Variants in FLNB observed in about 807,000 individuals in gnomAD.
The protein encoded by FLNB is filamin-B.
A neutral mutation model predicts 250.6 loss-of-function variants in FLNB; 111 were observed. That is an observed-to-expected ratio of 0.44 (90% CI 0.38 to 0.52). The LOEUF is 0.52. FLNB is among the 20% of genes least tolerant of loss of function. The pLI is 0.00. For synonymous variants in FLNB, 1,302 were observed against 1,372.1 expected, an observed-to-expected ratio of 0.95 and a Z score of 1.13; for missense variants, 2,869 against 3,447.8, an observed-to-expected ratio of 0.83 and a Z score of 4.20.
intron 18 of FLNB, among the ~76,000 whole-genome samples, chr3:58,118,044 G>T (rs1221576683): frequency 6.6e-6 from 1 of 152,174 alleles, no homozygotes; most frequent in African/African-American, 2.4e-5. Flanking sequence ...ATTTCTTGGA[G>T]CCTCGATTTG....
chr3:58,061,034 A>G (rs1204472386), intron 1 of FLNB, among the ~76,000 whole-genome samples: 2 of 152,096 alleles, frequency 1.3e-5, no homozygotes, highest in Non-Finnish European at 2.9e-5. Context: ...CAGAAAGACA[A>G]TCAGGCAAAC....
At chr3:58,015,775 G>A (rs748119070) in intron 1 of FLNB, among the ~76,000 whole-genome samples, 6 of 152,206 alleles carry the variant, frequency 3.9e-5, no homozygotes, top group African/African-American at 7.2e-5. Context: ...AAGTAGCAAG[G>A]ATCTAGGTGC....
chr3:58,108,400 A>T, intron 12 of FLNB, 58 bp from the exon 13 acceptor site: 1 of 1,104,080 alleles, frequency 9.1e-7, no homozygotes, highest in Non-Finnish European at 1.4e-6. Flanking sequence ...CTGTCTTTGT[A>T]TAAGGGTTTA....
rs748668497 is a variant in FLNB at position 58,148,193 on chromosome 3, G to C, written c.5729-13G>C. 3.1e-6 allele frequency: 5 copies of C among 1,614,168 alleles called. No individual in the cohort carries two copies. The Admixed American group carries it at 8.3e-5, about 27-fold the overall frequency. On this transcript the variant is annotated splice_polypyrimidine_tract_variant and intron_variant, in intron 34 of 45. Coordinates refer to ENST00000295956, the MANE Select transcript of FLNB (RefSeq NM_001457.4). ...ACATGTAACGGGAGTCCTTTTTGGG[G>C]GATGTTTCCCAGATGACAGCAGGCG...
chr3:58,165,009 C>T (rs1356300844), intron 43 of FLNB: 1 of 152,300 alleles, frequency 6.6e-6, no homozygotes, highest in East Asian at 1.9e-4. Context: ...TAAACCAGGA[C>T]CCCTGTCCTC....
intron 1 of FLNB, 67 bp from the exon 2 acceptor site, chr3:58,076,979 A>G: frequency 1.9e-6 from 3 of 1,548,104 alleles, no homozygotes; most frequent in Non-Finnish European, 2.7e-6. Flanking sequence ...ATTTACATTT[A>G]TATAAGGAGC....
intron 1 of FLNB, among the ~76,000 whole-genome samples, chr3:58,034,303 C>T (rs2097135009): frequency 6.6e-6 from 1 of 152,146 alleles, no homozygotes; most frequent in African/African-American, 2.4e-5. Flanking sequence ...AACTGTTTCC[C>T]AAAGTGGTTG....
intron 8 of FLNB, among the ~76,000 whole-genome samples, chr3:58,100,253 T>C (rs2097247473): frequency 6.6e-6 from 1 of 151,812 alleles, no homozygotes. Flanking sequence ...ACTCGTGGAC[T>C]TCCTTTTTCT....
At chr3:58,110,399 G>A (rs2097266470) in intron 16 of FLNB, among the ~76,000 whole-genome samples, 1 of 149,548 alleles carries the variant, frequency 6.7e-6, no homozygotes. Flanking sequence ...AGTAGCTGGG[G>A]ACTACAGGCT....
intron 1 of FLNB, among the ~76,000 whole-genome samples, chr3:58,072,670 T>A (rs900248290): frequency 2.0e-5 from 3 of 152,124 alleles, no homozygotes; most frequent in Non-Finnish European, 2.9e-5. Flanking sequence ...TCAAAATCAG[T>A]TTTGGAATGA....
intron 13 of FLNB, 22 bp downstream of exon 13, chr3:58,108,593 G>C (rs376322609): frequency 7.4e-6 from 11 of 1,481,648 alleles, no homozygotes; most frequent in Non-Finnish European, 1.0e-5. Context: ...GGGGCCACCT[G>C]TGCAGGTAAT....
chr3:58,095,957 T>G (rs2097237709), intron 5 of FLNB, among the ~76,000 whole-genome samples, 184 bp from the exon 6 acceptor site: 1 of 152,220 alleles, frequency 6.6e-6, no homozygotes, highest in African/African-American at 2.4e-5. Flanking sequence ...GCCTCTGTGC[T>G]GCATGGTTTT....
At chr3:58,084,526 G>T (rs1022555732) in intron 4 of FLNB, among the ~76,000 whole-genome samples, 2 of 151,646 alleles carry the variant, frequency 1.3e-5, no homozygotes, top group Non-Finnish European at 2.9e-5. Flanking sequence ...TAGCAAGTGT[G>T]GTGCACTTGT....
chr3:58,095,035 C>A lies in FLNB; in HGVS notation c.906+81C>A, dbSNP rs1488219711. 8.2e-6 allele frequency: 9 copies of A among 1,096,454 alleles called. No individual in the cohort carries two copies. In the Admixed American group the frequency reaches 1.0e-4, roughly 12 times the overall value. The allele number at this position is 1,096,454 out of a possible 1,614,324, so 67.9% of individuals were successfully genotyped here. On this transcript the variant is annotated intron_variant, in intron 5 of 45. Transcript: ENST00000295956. The stretch of plus-strand genomic sequence containing the variant: ...TGTAATGCGGCCAGGGACTGTGCCT[C>A]CATTTTCATTTCAGCTCACAACCAA...
At chr3:58,119,120 C>T in intron 19 of FLNB, 131 bp downstream of exon 19, 1 of 777,886 alleles carries the variant, frequency 1.3e-6, no homozygotes, top group Non-Finnish European at 2.3e-6. Context: ...GTTGCACAGA[C>T]TTTGGTTCGA....
intron 4 of FLNB, among the ~76,000 whole-genome samples, chr3:58,093,964 AGAGTGTGG>A (rs1326032892): frequency 1.3e-5 from 2 of 152,102 alleles, no homozygotes; most frequent in Non-Finnish European, 1.5e-5. Flanking sequence ...AGGGCTAAGG[AGAGTGTGG>A]GTGTGGTTAT....
chr3:58,148,447 G>A (rs1331817097), intron 35 of FLNB, 83 bp downstream of exon 35: 1 of 1,498,764 alleles, frequency 6.7e-7, no homozygotes, highest in Non-Finnish European at 9.1e-7. Flanking sequence ...CTTGGGAATG[G>A]GTAGCACAAT....
intron 28 of FLNB, among the ~76,000 whole-genome samples, chr3:58,136,446 A>G (rs554268511): frequency 6.6e-6 from 1 of 152,318 alleles, no homozygotes; most frequent in Admixed American, 6.5e-5. Flanking sequence ...GTACATGATA[A>G]CTATTATTAT....
intron 17 of FLNB, 28 bp downstream of exon 17, chr3:58,111,909 G>A: frequency 6.3e-7 from 1 of 1,582,342 alleles, no homozygotes; most frequent in Non-Finnish European, 8.7e-7. Flanking sequence ...GGTTGTCCTG[G>A]GCCCCTCTGC....
Sources: gnomAD v4.1 joint callset for allele counts (sites outside exome capture counted in the v4.1 genomes callset) on GRCh38, gnomAD v4.1.1 for gene constraint, MANE v1.5 for transcripts, NCBI Gene and HGNC (gene_info 2026-07-23, HGNC 2026-07-21) for gene names.